Variants in NTM observed in about 807,000 individuals in gnomAD.
NTM encodes the protein IgLON family member 2.
NTM carries 13 observed loss-of-function variants against 42.1 expected under a neutral mutation model. The ratio of observed to expected loss-of-function variants is 0.31; its 90% confidence interval spans 0.20 to 0.49. The LOEUF is 0.49. Among genes scored for constraint, NTM ranks in the 20% least tolerant of loss-of-function variants. NTM has a pLI of 0.99. For missense variants in NTM, 373 were observed against 452.8 expected, an observed-to-expected ratio of 0.82 and a Z score of 1.60; for synonymous variants, 187 against 179.2, an observed-to-expected ratio of 1.04 and a Z score of -0.35.
At chr11:132,318,303 C>T (rs1348534383) in intron 7 of NTM, among the ~76,000 whole-genome samples, 1 of 152,170 alleles carries the variant, frequency 6.6e-6, no homozygotes, top group East Asian at 1.9e-4. Flanking sequence ...TACAGTTGAT[C>T]TACCTTATCC....
chr11:131,498,571 G>GTTA (rs1309426849), intron 1 of NTM, among the ~76,000 whole-genome samples: 4 of 151,990 alleles, frequency 2.6e-5, no homozygotes, highest in African/African-American at 9.7e-5. Context: ...CACAGAGCAA[G>GTTA]TTATTGCCCA....
chr11:132,009,399 T>A (rs1439499080), intron 2 of NTM, among the ~76,000 whole-genome samples: 1 of 152,178 alleles, frequency 6.6e-6, no homozygotes, highest in African/African-American at 2.4e-5. Context: ...TATGTGCCGA[T>A]GTAAAGCCAG....
chr11:132,103,176 A>G (rs2061841919), intron 2 of NTM, among the ~76,000 whole-genome samples: 4 of 152,044 alleles, frequency 2.6e-5, no homozygotes, highest in Admixed American at 2.6e-4. Flanking sequence ...CCTCCTCCTC[A>G]CCGGCCTCTC....
At chr11:131,948,859 CCTT>C (rs2060669960) in intron 2 of NTM, among the ~76,000 whole-genome samples, 1 of 152,168 alleles carries the variant, frequency 6.6e-6, no homozygotes, top group South Asian at 2.1e-4. Context: ...ATGAGATCTG[CCTT>C]CTTAAAACAT....
At chr11:131,944,077 G>A (rs77013156) in intron 2 of NTM, among the ~76,000 whole-genome samples, 1,659 of 152,086 alleles carry the variant, frequency 0.011, 13 homozygotes, top group Non-Finnish European at 0.016. Context: ...TTTTCTGTGA[G>A]AGCTTAGAAA....
At chr11:131,789,317 T>G (rs1405431843) in intron 1 of NTM, among the ~76,000 whole-genome samples, 2 of 148,194 alleles carry the variant, frequency 1.3e-5, no homozygotes, top group African/African-American at 5.0e-5. Context: ...CCCAGTGAAA[T>G]AGAGATGCTG....
chr11:131,484,770 A>C (rs936973209), intron 1 of NTM, among the ~76,000 whole-genome samples: 1 of 152,138 alleles, frequency 6.6e-6, no homozygotes, highest in African/African-American at 2.4e-5. Flanking sequence ...TTCACTCCTC[A>C]TTCGTGCTGT....
intron 2 of NTM, among the ~76,000 whole-genome samples, chr11:132,071,340 A>G (rs1036448106): frequency 4.2e-5 from 6 of 144,430 alleles, no homozygotes; most frequent in African/African-American, 2.6e-5. Flanking sequence ...GTTAGTTAAC[A>G]CGTCACTCAG....
At chr11:131,751,227 A>C (rs2082461283) in intron 1 of NTM, among the ~76,000 whole-genome samples, 1 of 152,062 alleles carries the variant, frequency 6.6e-6, no homozygotes, top group Non-Finnish European at 1.5e-5. Flanking sequence ...CAAGTTCAGG[A>C]GATTGAGACC....
intron 1 of NTM, among the ~76,000 whole-genome samples, chr11:131,599,546 T>A (rs2060284632): frequency 6.6e-6 from 1 of 152,242 alleles, no homozygotes; most frequent in Non-Finnish European, 1.5e-5. Context: ...AGAAACATTT[T>A]ATTGGCCATA....
At chr11:131,791,286 T>C (rs976822849) in intron 1 of NTM, among the ~76,000 whole-genome samples, 3 of 152,248 alleles carry the variant, frequency 2.0e-5, no homozygotes, top group Non-Finnish European at 2.9e-5. Context: ...CTTGCAGATA[T>C]TCTGGCAAAG....
chr11:131,680,562 T>C (rs2072394486), intron 1 of NTM, among the ~76,000 whole-genome samples: 1 of 150,624 alleles, frequency 6.6e-6, no homozygotes, highest in African/African-American at 2.4e-5. Flanking sequence ...TGTGTGTGTC[T>C]GTGTAGGCAT....
chr11:131,458,851 G>A (rs1197680236), intron 1 of NTM, among the ~76,000 whole-genome samples: 1 of 152,244 alleles, frequency 6.6e-6, no homozygotes, highest in African/African-American at 2.4e-5. Flanking sequence ...TTCCACTCAA[G>A]AGCTTGTGTT....
intron 1 of NTM, among the ~76,000 whole-genome samples, chr11:131,870,637 C>G (rs958816350): frequency 3.3e-5 from 5 of 152,108 alleles, no homozygotes; most frequent in African/African-American, 1.2e-4. Flanking sequence ...GAATTCTATT[C>G]CCTTGAATCT....
chr11:131,553,512 G>T (rs1341401959), intron 1 of NTM, among the ~76,000 whole-genome samples: 1 of 152,142 alleles, frequency 6.6e-6, no homozygotes, highest in Non-Finnish European at 1.5e-5. Context: ...AAACCAGGGA[G>T]GCATTTTGTC....
intron 2 of NTM, among the ~76,000 whole-genome samples, chr11:132,079,724 G>T (rs546887054): frequency 1.3e-5 from 2 of 152,316 alleles, no homozygotes; most frequent in East Asian, 3.9e-4. Context: ...CACTAAAAGT[G>T]TACACAATGT....
intron 1 of NTM, among the ~76,000 whole-genome samples, chr11:131,861,878 C>T (rs1030099460): frequency 6.6e-6 from 1 of 152,146 alleles, no homozygotes; most frequent in Non-Finnish European, 1.5e-5. Context: ...CTCCACTCCA[C>T]ATTCAGAGGT....
At chr11:132,253,853 G>A (rs2092229080) in intron 4 of NTM, among the ~76,000 whole-genome samples, 1 of 152,166 alleles carries the variant, frequency 6.6e-6, no homozygotes, top group Non-Finnish European at 1.5e-5. Context: ...CCCTCTATGA[G>A]GAGGCATCAG....
chr11:131,829,089 C>T (rs1173282136), intron 1 of NTM, among the ~76,000 whole-genome samples: 4 of 151,916 alleles, frequency 2.6e-5, no homozygotes, highest in Non-Finnish European at 5.9e-5. Flanking sequence ...ACCCCTTTGC[C>T]TAAGCTTAGA....
Sources: gnomAD v4.1 joint callset for allele counts (sites outside exome capture counted in the v4.1 genomes callset) on GRCh38, gnomAD v4.1.1 for gene constraint, MANE v1.5 for transcripts, NCBI Gene and HGNC (gene_info 2026-07-23, HGNC 2026-07-21) for gene names.